Variants in MBP observed in about 807,000 individuals in gnomAD.
MBP encodes myelin basic protein, also known as Golli-MBP.
A neutral mutation model predicts 35.8 loss-of-function variants in MBP; 16 were observed. The ratio of observed to expected loss-of-function variants is 0.45; its 90% CI spans 0.30 to 0.68. The LOEUF (loss-of-function observed/expected upper bound fraction) is 0.68, where lower values mean the gene tolerates loss of function less well. Among genes scored for constraint, MBP ranks in the 30% least tolerant of loss-of-function variants. The pLI, the probability that MBP is intolerant of heterozygous loss-of-function variation, is 0.08. For synonymous variants in MBP, 143 were observed against 159.6 expected (o/e 0.90, Z 0.78); for missense variants, 380 against 404.7 (o/e 0.94, Z 0.52).
intron 2 of MBP, among the ~76,000 whole-genome samples, chr18:77,077,280 T>G (rs1322235781): frequency 1.4e-5 from 2 of 142,154 alleles, no homozygotes; most frequent in East Asian, 4.2e-4. Context: ...GAGAATTGCT[T>G]GAACCTGGGA....
chr18:76,984,580 G>T, intron 8 of MBP, 195 bp downstream of exon 8: 3 of 686,704 alleles, frequency 4.4e-6, no homozygotes, highest in African/African-American at 1.8e-5. Context: ...GGCTTCACAT[G>T]CATCTCGGAG....
At chr18:76,992,643 C>G (rs1970004727) in intron 4 of MBP, among the ~76,000 whole-genome samples, 1 of 152,212 alleles carries the variant, frequency 6.6e-6, no homozygotes, top group South Asian at 2.1e-4. Flanking sequence ...GCATTCAGCA[C>G]CCAGAGCAGA....
At chr18:77,082,231 T>A (rs1974980107) in intron 2 of MBP, among the ~76,000 whole-genome samples, 2 of 152,172 alleles carry the variant, frequency 1.3e-5, no homozygotes, top group South Asian at 4.2e-4. Context: ...AAATAAAATA[T>A]GAGATAGTCC....
chr18:77,008,137 G>A (rs1017406778), intron 4 of MBP, among the ~76,000 whole-genome samples: 5 of 152,232 alleles, frequency 3.3e-5, no homozygotes, highest in African/African-American at 4.8e-5. Flanking sequence ...CTGCCAGCGC[G>A]TCACACACTG....
chr18:77,028,596 C>A (rs774523056), intron 3 of MBP, among the ~76,000 whole-genome samples: 14 of 67,080 alleles, frequency 2.1e-4, no homozygotes, highest in African/African-American at 6.4e-4. Context: ...ACCTCCCGGA[C>A]GGGGCGGCTG....
At chr18:77,021,529 G>A (rs1348623005) in intron 3 of MBP, among the ~76,000 whole-genome samples, 2 of 144,756 alleles carry the variant, frequency 1.4e-5, no homozygotes, top group African/African-American at 5.2e-5. Context: ...TGTCGCCCAG[G>A]TTGGAGTGTG....
At chr18:77,068,399 GACGAGGA>G (rs376719315) in intron 2 of MBP, among the ~76,000 whole-genome samples, 15,937 of 152,208 alleles carry the variant, frequency 0.1, 1,060 homozygotes, top group Non-Finnish European at 0.15. Flanking sequence ...TAGCCCAGAT[GACGAGGA>G]AGTCCCGTCT....
At chr18:77,065,167 T>A (rs969742653) in intron 3 of MBP, among the ~76,000 whole-genome samples, 1 of 152,248 alleles carries the variant, frequency 6.6e-6, no homozygotes, top group South Asian at 2.1e-4. Flanking sequence ...ACTGAATACC[T>A]GAGACTGGAT....
intron 1 of MBP, among the ~76,000 whole-genome samples, chr18:77,111,650 C>T (rs1342401725): frequency 1.3e-5 from 2 of 152,206 alleles, no homozygotes; most frequent in African/African-American, 4.8e-5. Flanking sequence ...CACCAACATG[C>T]TGAGACCTGG....
intron 3 of MBP, among the ~76,000 whole-genome samples, chr18:77,052,090 G>A (rs1973511659): frequency 6.6e-6 from 1 of 152,140 alleles, no homozygotes; most frequent in Non-Finnish European, 1.5e-5. Context: ...CTGCCCTCCC[G>A]AGACTGTGCC....
At chr18:76,990,950 G>A in intron 4 of MBP, 1 of 273,172 alleles carries the variant, frequency 3.7e-6, no homozygotes, top group Non-Finnish European at 7.6e-6. Flanking sequence ...GGAAGTGACG[G>A]TAATTCAAGG....
At chr18:76,984,715 G>A in intron 8 of MBP, 60 bp downstream of exon 8, 1 of 1,611,410 alleles carries the variant, frequency 6.2e-7, no homozygotes, top group South Asian at 1.1e-5. Flanking sequence ...ACTCAGCTTA[G>A]TTGGGGATTC....
chr18:77,033,313 C>T (rs1439740837), intron 3 of MBP, among the ~76,000 whole-genome samples: 2 of 152,088 alleles, frequency 1.3e-5, no homozygotes, highest in Non-Finnish European at 2.9e-5. Context: ...TACTGTGTGA[C>T]CTTGAGCACA....
chr18:77,053,161 C>T (rs1973575034), intron 3 of MBP, among the ~76,000 whole-genome samples: 1 of 152,250 alleles, frequency 6.6e-6, no homozygotes, highest in Middle Eastern at 3.2e-3. Flanking sequence ...AGCTCAACAC[C>T]AGATGGCTTA....
rs1381686733 is a variant in MBP at position 77,102,850 on chromosome 18, T to C, written c.51+2361A>G. Among the ~76,000 whole-genome samples, 1 of 152,226 alleles carries C rather than the reference T, an allele frequency of 6.6e-6. No individual in the cohort carries two copies. Among genetic ancestry groups the C allele is most frequent in the Non-Finnish European group, 1.5e-5 (1 of 68,036 alleles). On this transcript the variant is annotated intron_variant, in intron 2 of 8. Coordinates refer to ENST00000355994, the MANE Select transcript of MBP (RefSeq NM_001025101.2). This position sits in a 1 kb window ranked among gnomAD's most constrained non-coding sequence, Gnocchi z 4.4. Reference sequence around the variant, plus strand: ...TTCCACTTTCACTTTAGGTGAAACTTAATCCTCCTGGTGCAGATACTGTAT... The same window carrying C: ...TTCCACTTTCACTTTAGGTGAAACTCAATCCTCCTGGTGCAGATACTGTAT...
At chr18:77,050,081 C>T (rs998154022) in intron 3 of MBP, among the ~76,000 whole-genome samples, 4 of 152,160 alleles carry the variant, frequency 2.6e-5, no homozygotes, top group East Asian at 3.8e-4. Flanking sequence ...TCATTGCTGA[C>T]GTTCTTGGTA....
At chr18:77,123,752 G>T (rs1490240486) in intron 1 of MBP, among the ~76,000 whole-genome samples, 1 of 152,238 alleles carries the variant, frequency 6.6e-6, no homozygotes, top group African/African-American at 2.4e-5. Context: ...CAGATGCTTG[G>T]CTTGGGAGTT....
intron 4 of MBP, among the ~76,000 whole-genome samples, chr18:77,000,137 A>C (rs1970552054): frequency 6.6e-6 from 1 of 152,204 alleles, no homozygotes; most frequent in African/African-American, 2.4e-5. Flanking sequence ...AAAAGACCTG[A>C]TTTTTAAAAA....
chr18:77,100,536 TGTG>T (rs1975962340), intron 2 of MBP, among the ~76,000 whole-genome samples: 1 of 147,724 alleles, frequency 6.8e-6, no homozygotes, highest in African/African-American at 2.5e-5. Context: ...TGTGTGTGTG[TGTG>T]TGTGTGTTTT....
Sources: gnomAD v4.1 joint callset for allele counts (sites outside exome capture counted in the v4.1 genomes callset) on GRCh38, gnomAD v4.1.1 for gene constraint, Gnocchi (gnomAD v3.1) non-coding constraint, MANE v1.5 for transcripts, NCBI Gene and HGNC (gene_info 2026-07-23, HGNC 2026-07-21) for gene names.